CREB3L4: variants seen among roughly 807,000 people sequenced by gnomAD.
CREB3L4 encodes cyclic AMP-responsive element-binding protein 3-like protein 4.
A neutral mutation model predicts 37.0 loss-of-function variants in CREB3L4; 28 were observed. That is an observed-to-expected ratio of 0.76 (90% confidence interval 0.56 to 1.04). The LOEUF (loss-of-function observed/expected upper bound fraction) is 1.04, where lower values mean the gene tolerates loss of function less well. Ranked by LOEUF, CREB3L4 falls within the 50% of genes least tolerant of loss-of-function variation. The pLI is 0.00. For missense variants in CREB3L4, 462 were observed against 486.0 expected (o/e 0.95, Z 0.46); for synonymous variants, 175 against 192.2 (o/e 0.91, Z 0.74).
Position 153,972,762 on chromosome 1 carries a change from T to A in CREB3L4, c.562T>A (p.Phe188Ile). The change falls in exon 5 of 10, where the codon TTC (phenylalanine) becomes ATC (isoleucine). Residue 188 changes from phenylalanine (F) to isoleucine (I), a missense_variant. Transcript: ENST00000368607. ...CTTLLPCQTL[F>I]LTDEEKRLLG... is the part of the protein sequence containing the mutation. ...CCCCCAGCTGCCCTGTCAAACCCTG[T>A]TCCTGACCGATGAGGAGAAGCGTCT... is the stretch of plus-strand genomic sequence containing the variant. The A allele has an allele frequency of 1.2e-6, 2 of 1,613,868 alleles. No individual in the cohort carries two copies. The highest frequency in any genetic ancestry group is 2.7e-5 in the African/African-American group (2 of 75,034).
At chr1:153,968,324 G>T (rs1351142301) in intron 1 of CREB3L4, 160 bp downstream of exon 1, 2 of 556,940 alleles carry the variant, frequency 3.6e-6, no homozygotes, top group African/African-American at 3.8e-5. Context: ...ATGCTTGGGG[G>T]GGGCCTCTTT....
Position 153,972,804 on chromosome 1 carries a change from G to T in CREB3L4, c.604G>T (p.Val202Phe), listed in dbSNP as rs1286536746. ...GAAGCGTCTGCTGGGGCAGGAAGGG[G>T]TTTCCCTGCCCTCTCACCTGCCCCT... is the stretch of plus-strand genomic sequence containing the variant. ...EEKRLLGQEGVSLPSHLPLTK... is the reference protein window; with the variant it reads ...EEKRLLGQEGFSLPSHLPLTK... The change falls in exon 5 of 10, where the codon GTT (valine) becomes TTT (phenylalanine). Residue 202 changes from valine to phenylalanine, a missense_variant. Transcript: ENST00000368607. 1 of 1,613,832 alleles carries T rather than the reference G, an allele frequency of 6.2e-7. No homozygotes were observed. Among genetic ancestry groups the T allele is most frequent in the African/African-American group, 1.3e-5 (1 of 74,954 alleles).
Position 153,973,473 on chromosome 1 carries a change from A to C in CREB3L4, c.897+9A>C. 2.5e-6 allele frequency: 4 copies of C among 1,612,002 alleles called. No individual in the cohort carries two copies. The highest frequency in any genetic ancestry group is 2.5e-6 in the Non-Finnish European group (3 of 1,178,126). On this transcript the variant is annotated intron_variant, in intron 8 of 9. Transcript: ENST00000368607. The stretch of plus-strand genomic sequence containing the variant: ...CCAGCACTTGTGTTTTGGTACCATT[A>C]GTCTATCTACTCCCATCTCCCCCCA...
Position 153,968,618 on chromosome 1 carries a change from C to T in CREB3L4, c.93C>T (p.His31=). The T allele has an allele frequency of 6.2e-7, 1 of 1,614,070 alleles. No homozygotes were observed. The highest frequency in any genetic ancestry group is 2.2e-5 in the East Asian group (1 of 44,872). Residue 31 remains histidine (H), a synonymous_variant, in exon 2 of 10, where the codon CAC becomes CAT. Coordinates refer to ENST00000368607, the MANE Select transcript of CREB3L4 (RefSeq NM_001255978.2). Reference sequence around the variant, plus strand: ...GATCCGTCCTGGAGCTGGGACTCCACTGCCCCCCTCCAGAGGTTCCGGTAA... The same window carrying T: ...GATCCGTCCTGGAGCTGGGACTCCATTGCCCCCCTCCAGAGGTTCCGGTAA... ...STGSVLELGL[H]CPPPEVPVTR...
rs1305342609 is a variant in CREB3L4, at chr1:153,973,196, G to A, written c.745G>A (p.Val249Met). Residue 249 changes from valine to methionine, a missense_variant and splice_region_variant, in exon 7 of 10, where the codon GTG (valine) becomes ATG (methionine). Physicochemically the swap from Val to Met is conservative, Grantham distance 21 (BLOSUM62 1). Coordinates refer to ENST00000368607, the MANE Select transcript of CREB3L4 (RefSeq NM_001255978.2). ...KEYIDGLESRVAACSAQNQEL... is the reference protein window; with the variant it reads ...KEYIDGLESRMAACSAQNQEL... Reference sequence around the variant, plus strand: ...TTGTCCTACCTCCCTACATTCTAGGGTGGCAGCCTGTTCTGCACAGAACCA... The same window carrying A: ...TTGTCCTACCTCCCTACATTCTAGGATGGCAGCCTGTTCTGCACAGAACCA... 1 of 1,614,070 alleles carries A rather than the reference G, an allele frequency of 6.2e-7. No homozygotes were observed. The highest frequency in any genetic ancestry group is 1.1e-5 in the South Asian group (1 of 91,050).
chr1:153,973,240 C>T lies in CREB3L4; in HGVS notation c.789C>T (p.Val263=), dbSNP rs1192921837. 6.2e-7 allele frequency: 1 copy of T among 1,614,014 alleles called. No homozygotes were observed. The highest frequency in any genetic ancestry group is 8.5e-7 in the Non-Finnish European group (1 of 1,180,016). Residue 263 remains valine, a synonymous_variant, in exon 7 of 10, where the codon GTC becomes GTT. Transcript: ENST00000368607. ...AGAACCAAGAATTACAGAAAAAAGT[C>T]CAGGAGCTGGAGAGGCACAACATGT... ...SAQNQELQKK[V]QELERHNISL...
In CREB3L4 at chr1:153,974,255, G is replaced by A. The variant is rs912962176; in HGVS notation, c.*190G>A. The A allele has an allele frequency of 1.1e-5, 6 of 541,996 alleles. No homozygotes were observed. Among genetic ancestry groups the A allele is most frequent in the Non-Finnish European group, 2.0e-5 (6 of 306,418 alleles). 33.6% of individuals were successfully genotyped at this position (541,996 alleles called of 1,614,324 possible). On this transcript the variant is annotated 3_prime_UTR_variant, in exon 10 of 10. Coordinates refer to ENST00000368607, the MANE Select transcript of CREB3L4 (RefSeq NM_001255978.2). ...CTGCATTTGTTTGCATATATGAGAG[G>A]GTACCTCAAATACTTCTGTTATGTA...
At chr1:153,971,725 T>C (rs532825756) in intron 4 of CREB3L4, among the ~76,000 whole-genome samples, 1 of 151,604 alleles carries the variant, frequency 6.6e-6, no homozygotes, top group South Asian at 2.1e-4. Context: ...GAAAGGCACA[T>C]CAGGAAAAGC....
chr1:153,973,073 G>A lies in CREB3L4; in HGVS notation c.738G>A (p.Glu246=). Residue 246 remains glutamate (E), a synonymous_variant, in exon 6 of 10, where the codon GAG becomes GAA. Coordinates refer to ENST00000368607, the MANE Select transcript of CREB3L4 (RefSeq NM_001255978.2). ...AGAAGGAGTACATTGATGGGCTGGA[G>A]AGCAGGTACGCCTGGGTTATTTCTG... is the stretch of plus-strand genomic sequence containing the variant. ...RRKKEYIDGL[E]SRVAACSAQN... is the part of the protein sequence containing the mutation. The A allele has an allele frequency of 6.2e-7, 1 of 1,614,122 alleles. No individual in the cohort carries two copies. Among genetic ancestry groups the A allele is most frequent in the Non-Finnish European group, 8.5e-7 (1 of 1,179,978 alleles).
At chr1:153,968,313 A>C in intron 1 of CREB3L4, 149 bp downstream of exon 1, 2 of 500,776 alleles carry the variant, frequency 4.0e-6, no homozygotes, top group Non-Finnish European at 3.6e-6. Context: ...CAGAACAGGT[A>C]ATGCTTGGGG....
chr1:153,969,500 A>G lies in CREB3L4; in HGVS notation c.543+45A>G, dbSNP rs1472173508. 9.4e-6 allele frequency: 15 copies of G among 1,603,902 alleles called. 1 individual carries two copies. The highest frequency in any genetic ancestry group is 3.6e-4 in the Middle Eastern group (2 of 5,504). On this transcript the variant is annotated intron_variant, in intron 4 of 9. Coordinates refer to ENST00000368607, the MANE Select transcript of CREB3L4 (RefSeq NM_001255978.2). ...AGAACCACTACTCCTTGATACATAT[A>G]TAATCACACAGACAGAGCAAAGGGA...
Position 153,972,760 on chromosome 1 carries a change from T to C in CREB3L4, c.560T>C (p.Leu187Pro), listed in dbSNP as rs1160696771. 1.5e-5 allele frequency: 25 copies of C among 1,613,818 alleles called. No homozygotes were observed. The East Asian group carries it at 5.6e-4, about 36-fold the overall frequency. ...TACCCCCAGCTGCCCTGTCAAACCC[T>C]GTTCCTGACCGATGAGGAGAAGCGT... ...PCTTLLPCQT[L>P]FLTDEEKRLL... is the part of the protein sequence containing the mutation. Residue 187 changes from leucine to proline, a missense_variant, in exon 5 of 10, where the codon CTG becomes CCG. Coordinates refer to ENST00000368607, the MANE Select transcript of CREB3L4 (RefSeq NM_001255978.2).
chr1:153,973,355 T>A, intron 7 of CREB3L4, 25 bp from the exon 8 acceptor site: 1 of 1,613,340 alleles, frequency 6.2e-7, no homozygotes, highest in Non-Finnish European at 8.5e-7. Flanking sequence ...CAGATGATAC[T>A]AACTCTTCAT....
At chr1:153,972,438 G>C (rs548640534) in intron 4 of CREB3L4, among the ~76,000 whole-genome samples, 17 of 152,306 alleles carry the variant, frequency 1.1e-4, no homozygotes, top group African/African-American at 3.8e-4. Flanking sequence ...GGTTCTCTTG[G>C]GTATGGGGAG....
intron 8 of CREB3L4, 75 bp downstream of exon 8, chr1:153,973,539 TTC>T: frequency 6.4e-7 from 1 of 1,562,736 alleles, no homozygotes; most frequent in Non-Finnish European, 8.8e-7. Flanking sequence ...CCAGATCTAC[TTC>T]CCACATCCGA....
chr1:153,969,161 A>G lies in CREB3L4; in HGVS notation c.406A>G (p.Ile136Val). Reference protein sequence around the residue: ...QGETGPNVGLISIQLDQWSPA... With the variant: ...QGETGPNVGLVSIQLDQWSPA... Reference sequence around the variant, plus strand: ...GGAAACTGGGCCAAATGTAGGCCTTATCTCCATCCAGCTAGGTCAGTGTTC... The same window carrying G: ...GGAAACTGGGCCAAATGTAGGCCTTGTCTCCATCCAGCTAGGTCAGTGTTC... Residue 136 changes from isoleucine to valine, a missense_variant, in exon 3 of 10, where the codon ATC becomes GTC. Coordinates refer to ENST00000368607, the MANE Select transcript of CREB3L4 (RefSeq NM_001255978.2). 6.2e-7 allele frequency: 1 copy of G among 1,614,130 alleles called. No individual in the cohort carries two copies. The highest frequency in any genetic ancestry group is 2.2e-5 in the East Asian group (1 of 44,892).
At chr1:153,971,587 C>CTTTTTTTTTTT (rs55930906) in intron 4 of CREB3L4, among the ~76,000 whole-genome samples, 154 of 107,482 alleles carry the variant, frequency 1.4e-3, no homozygotes, top group East Asian at 2.6e-3. Flanking sequence ...TTTTCTTTTT[C>CTTTTTTTTTTT]TTTTTTTTTT....
Position 153,974,149 on chromosome 1 carries a change from A to G in CREB3L4, c.*84A>G. On this transcript the variant is annotated 3_prime_UTR_variant, in exon 10 of 10. Transcript: ENST00000368607. The stretch of plus-strand genomic sequence containing the variant: ...GGCTTTGCTTCCCACTGGGATTCCT[A>G]CTTAGGTGTCTGCCCTCAGGGGTCC... The G allele has an allele frequency of 7.4e-7, 1 of 1,351,874 alleles. No individual in the cohort carries two copies. Among genetic ancestry groups the G allele is most frequent in the Non-Finnish European group, 1.0e-6 (1 of 980,288 alleles). 83.7% of individuals were successfully genotyped at this position (1,351,874 alleles called of 1,614,324 possible).
At position 153,974,040 on chromosome 1, in the gene CREB3L4, C is replaced by G; in HGVS notation, c.1163C>G (p.Ser388Cys). Residue 388 changes from serine (S) to cysteine (C), a missense_variant, in exon 10 of 10, where the codon TCC becomes TGC. Transcript: ENST00000368607. ...CCAAGACCCAGTGGGCGCATCCGGTCCGTGCTGCATGCAGATGAGATGTGA... is the reference window on the plus strand; with the variant it reads ...CCAAGACCCAGTGGGCGCATCCGGTGCGTGCTGCATGCAGATGAGATGTGA... Reference protein sequence around the residue: ...GKPRPSGRIRSVLHADEM With the variant: ...GKPRPSGRIRCVLHADEM 2 of 1,613,910 alleles carry G rather than the reference C, an allele frequency of 1.2e-6. No individual in the cohort carries two copies. Among genetic ancestry groups the G allele is most frequent in the Non-Finnish European group, 1.7e-6 (2 of 1,179,966 alleles).
Sources: allele counts gnomAD v4.1 joint callset (sites outside exome capture counted in the v4.1 genomes callset), GRCh38; gene constraint gnomAD v4.1.1; transcripts MANE v1.5; gene names NCBI Gene and HGNC (gene_info 2026-07-23, HGNC 2026-07-21).